FAF2: variants seen among roughly 807,000 people sequenced by gnomAD.
The protein encoded by FAF2 is Fas associated factor family member 2, also known as FAS-associated factor 2.
Under a neutral mutation model 62.3 loss-of-function variants are expected in FAF2, and 9 were observed. The ratio of observed to expected loss-of-function variants is 0.14; its 90% confidence interval spans 0.09 to 0.25. The LOEUF (loss-of-function observed/expected upper bound fraction) is 0.25. FAF2 is among the 10% of genes least tolerant of loss of function. The probability of loss-of-function intolerance (pLI) is 1.00; values close to 1 mark genes in which losing one functional copy is unlikely to be tolerated. For synonymous variants in FAF2, 202 were observed against 198.0 expected (o/e 1.02, Z -0.17); for missense variants, 368 against 556.2 (o/e 0.66, Z 3.40).
chr5:176,453,233 G>A (rs1049333208), intron 1 of FAF2: 1 of 152,238 alleles, frequency 6.6e-6, no homozygotes, highest in Non-Finnish European at 1.5e-5. Context: ...ATGCAGGTAT[G>A]TGGAAGGTTA....
intron 10 of FAF2, 84 bp from the exon 11 acceptor site, chr5:176,506,684 C>A: frequency 8.7e-7 from 1 of 1,147,118 alleles, no homozygotes; most frequent in South Asian, 1.5e-5. Context: ...TATTTGACTT[C>A]AGAGTTGTGT....
intron 1 of FAF2, among the ~76,000 whole-genome samples, chr5:176,466,288 A>G (rs772702377): frequency 6.6e-6 from 1 of 152,226 alleles, no homozygotes; most frequent in Non-Finnish European, 1.5e-5. Context: ...AGCAAAGCAA[A>G]GCTGTCTGTG....
chr5:176,499,210 GA>G, intron 9 of FAF2, 125 bp downstream of exon 9: 1 of 874,726 alleles, frequency 1.1e-6, no homozygotes, highest in Non-Finnish European at 1.6e-6. Flanking sequence ...AAAAAAAAAG[GA>G]AAAAGGAAAG....
chr5:176,496,342 G>A (rs1488964955), intron 7 of FAF2, 144 bp from the exon 8 acceptor site: 2 of 567,566 alleles, frequency 3.5e-6, no homozygotes, highest in African/African-American at 1.9e-5. Flanking sequence ...ACTAGGAGGC[G>A]GGGAAAAAGC....
chr5:176,491,886 G>A (rs1404703947), intron 4 of FAF2, among the ~76,000 whole-genome samples: 1 of 152,148 alleles, frequency 6.6e-6, no homozygotes. Context: ...TGGATACTGT[G>A]TCTTCCCTTC....
chr5:176,496,480 T>A lies in FAF2; in HGVS notation c.662-6T>A. On this transcript the variant is annotated splice_region_variant and splice_polypyrimidine_tract_variant and intron_variant, in intron 7 of 10. Transcript: ENST00000261942. ...CTGCCCTTGATCTGTTGGGTCTTTT[T>A]ATCAGTCTCACAGGCTTTACGAGAG... 1 of 1,563,476 alleles carries A rather than the reference T, an allele frequency of 6.4e-7. No homozygotes were observed. Among genetic ancestry groups the A allele is most frequent in the East Asian group, 2.3e-5 (1 of 42,898 alleles).
Position 176,477,043 on chromosome 5 carries a change from C to T in FAF2, c.64-2145C>T, listed in dbSNP as rs192935214. On this transcript the variant is annotated intron_variant, in intron 1 of 10. Transcript: ENST00000261942. ...CAGGATGGTCTCGATCTCCTGACTTCGTGATCCGCCCGCCTCGGCCTCCCA... is the reference window on the plus strand; with the variant it reads ...CAGGATGGTCTCGATCTCCTGACTTTGTGATCCGCCCGCCTCGGCCTCCCA... 2.7e-5 allele frequency among the ~76,000 whole-genome samples: 4 copies of T among 150,842 alleles called. No individual in the cohort carries two copies. In the East Asian group the frequency reaches 5.9e-4, roughly 22 times the overall value.
At chr5:176,488,610 A>C (rs1239320989) in intron 3 of FAF2, among the ~76,000 whole-genome samples, 1 of 151,662 alleles carries the variant, frequency 6.6e-6, no homozygotes, top group African/African-American at 2.4e-5. Context: ...TTTAGTAGAG[A>C]TGGGATTTCA....
intron 1 of FAF2, among the ~76,000 whole-genome samples, chr5:176,448,989 G>T: frequency 6.6e-6 from 1 of 152,136 alleles, no homozygotes; most frequent in East Asian, 1.9e-4. Context: ...TCTGGTCCCC[G>T]CCCTAGAGGT....
At chr5:176,491,181 C>T (rs542823005) in intron 4 of FAF2, among the ~76,000 whole-genome samples, 159 of 152,260 alleles carry the variant, frequency 1.0e-3, no homozygotes, top group African/African-American at 3.7e-3. Context: ...AAAATATGCA[C>T]GGCATGTATT....
chr5:176,473,114 T>G (rs2913728), intron 1 of FAF2, among the ~76,000 whole-genome samples: 4 of 152,046 alleles, frequency 2.6e-5, no homozygotes, highest in African/African-American at 9.7e-5. Flanking sequence ...ACAAAAGTCC[T>G]TTCTTTATTC....
At chr5:176,467,849 A>G (rs891697179) in intron 1 of FAF2, among the ~76,000 whole-genome samples, 1 of 152,226 alleles carries the variant, frequency 6.6e-6, no homozygotes, top group Non-Finnish European at 1.5e-5. Context: ...ATAAATGTGT[A>G]ATAATGAGAA....
At chr5:176,448,499 G>T (rs1313975125) in intron 1 of FAF2, 29 bp downstream of exon 1, 2 of 1,572,466 alleles carry the variant, frequency 1.3e-6, no homozygotes, top group East Asian at 2.3e-5. Flanking sequence ...TGCAGCAGAT[G>T]CCTCCGTGGG....
At chr5:176,466,057 T>G (rs1758461930) in intron 1 of FAF2, among the ~76,000 whole-genome samples, 1 of 152,238 alleles carries the variant, frequency 6.6e-6, no homozygotes, top group African/African-American at 2.4e-5. Context: ...ATACTTACAG[T>G]ATCTGTTTTA....
chr5:176,465,700 T>C (rs1315141827), intron 1 of FAF2, among the ~76,000 whole-genome samples: 4 of 152,152 alleles, frequency 2.6e-5, no homozygotes, highest in African/African-American at 9.7e-5. Context: ...AAGGATTTAC[T>C]GAAAGCTATT....
At chr5:176,471,363 T>TCTC (rs1256826282) in intron 1 of FAF2, among the ~76,000 whole-genome samples, 2 of 144,634 alleles carry the variant, frequency 1.4e-5, no homozygotes, top group African/African-American at 2.6e-5. Flanking sequence ...TTCTCATCCC[T>TCTC]CTCTGTACAT....
intron 8 of FAF2, 88 bp from the exon 9 acceptor site, chr5:176,498,826 C>A (rs1306842193): frequency 5.7e-6 from 7 of 1,229,372 alleles, no homozygotes; most frequent in Middle Eastern, 2.0e-4. Context: ...TTTTTACACA[C>A]ACACACACAC....
chr5:176,492,914 T>C (rs1298122442), intron 5 of FAF2, among the ~76,000 whole-genome samples: 3 of 152,220 alleles, frequency 2.0e-5, no homozygotes, highest in Admixed American at 2.0e-4. Context: ...CTTTGATCTC[T>C]CACAGAATTG....
At chr5:176,457,921 C>T (rs144273885) in intron 1 of FAF2, among the ~76,000 whole-genome samples, 3 of 152,208 alleles carry the variant, frequency 2.0e-5, no homozygotes, top group African/African-American at 4.8e-5. Flanking sequence ...CTTAGTTAAC[C>T]CTCTTGTCAT....
Sources: allele counts gnomAD v4.1 joint callset (sites outside exome capture counted in the v4.1 genomes callset), GRCh38; gene constraint gnomAD v4.1.1; transcripts MANE v1.5; gene names NCBI Gene and HGNC (gene_info 2026-07-23, HGNC 2026-07-21).